The following ANKRD30B variants were observed in gnomAD, a reference collection of about 807,000 sequenced individuals.
The protein encoded by ANKRD30B is ankyrin repeat domain 30B.
ANKRD30B carries 144 observed loss-of-function variants against 202.2 expected under a neutral mutation model. That is an observed-to-expected ratio of 0.71 (90% CI 0.62 to 0.82). ANKRD30B has a LOEUF of 0.82. Among genes scored for constraint, ANKRD30B ranks in the 40% least tolerant of loss-of-function variants. The pLI is 0.00. For missense variants in ANKRD30B, 1,487 were observed against 1,669.1 expected (o/e 0.89, Z 1.90); for synonymous variants, 508 against 561.3 (o/e 0.91, Z 1.34).
chr18:14,816,011 T>C (rs910225537), intron 30 of ANKRD30B: 5 of 152,224 alleles, frequency 3.3e-5, no homozygotes, highest in African/African-American at 1.2e-4. Context: ...AGATGTCAGT[T>C]CTACATTCAG....
At chr18:14,888,745 T>C in the ANKRD30B span, 6 of 1,022,140 alleles carry the variant, frequency 5.9e-6, no homozygotes, top group Non-Finnish European at 8.5e-6. Context: ...GTTTTTGTTC[T>C]TTCTTCATTT....
the ANKRD30B span, among the ~76,000 whole-genome samples, chr18:14,868,448 A>G: frequency 2.0e-5 from 3 of 152,298 alleles, no homozygotes; most frequent in Non-Finnish European, 4.4e-5. Context: ...TTTGGTTGTG[A>G]TAAACCTTAA....
At chr18:14,894,810 A>G in the ANKRD30B span, among the ~76,000 whole-genome samples, 2 of 151,344 alleles carry the variant, frequency 1.3e-5, no homozygotes, top group South Asian at 4.2e-4. Flanking sequence ...ACACCAACAT[A>G]TACATATATG....
At chr18:14,832,716 C>T (rs1476549689) in intron 34 of ANKRD30B, among the ~76,000 whole-genome samples, 2 of 152,012 alleles carry the variant, frequency 1.3e-5, no homozygotes, top group African/African-American at 4.8e-5. Flanking sequence ...AAATCTAATG[C>T]GTTTCTAAAA....
the ANKRD30B span, among the ~76,000 whole-genome samples, chr18:14,864,652 A>C: frequency 2.8e-5 from 4 of 145,388 alleles, no homozygotes; most frequent in Admixed American, 7.0e-5. Context: ...CCTTTTTTCC[A>C]CCTCCTGCTC....
chr18:14,855,896 C>A (rs545664136), downstream of ANKRD30B, among the ~76,000 whole-genome samples: 1 of 148,492 alleles, frequency 6.7e-6, no homozygotes, highest in African/African-American at 2.5e-5. Flanking sequence ...CCAGACGGGG[C>A]GGCTGGGCAG....
rs1968133291 is a variant in ANKRD30B at position 14,787,072 on chromosome 18, A to G, written c.1706A>G (p.Asp569Gly). ...TTCCCATCAGAATCCAAACAAAAGG[A>G]CGATGAAGAAAATTCTTGGGATTCT... ...QMFPSESKQK[D>G]DEENSWDSES... The change falls in exon 15 of 44, where the codon GAC (aspartate) becomes GGC (glycine). Residue 569 changes from aspartate (D) to glycine (G), a missense_variant. By Grantham distance (94) the Asp-to-Gly change is moderately conservative (BLOSUM62 -1). This residue lies in a region of ANKRD30B where 889 missense variants were observed against 841.4 expected (regional missense o/e 1.06). Transcript: ENST00000690538. 1 of 1,609,678 alleles carries G rather than the reference A, an allele frequency of 6.2e-7. No homozygotes were observed. Among genetic ancestry groups the G allele is most frequent in the Non-Finnish European group, 8.5e-7 (1 of 1,177,318 alleles).
intron 34 of ANKRD30B, 159 bp from the exon 35 acceptor site, chr18:14,837,052 T>C: frequency 2.0e-6 from 1 of 506,722 alleles, no homozygotes; most frequent in South Asian, 3.8e-5. Flanking sequence ...TATTTTCTGC[T>C]TCTCCCAGGA....
chr18:14,850,187 T>A (rs1971823889), intron 40 of ANKRD30B, 27 bp from the exon 41 acceptor site: 7 of 1,397,232 alleles, frequency 5.0e-6, no homozygotes, highest in Non-Finnish European at 6.7e-6. Flanking sequence ...ACAAAATGAA[T>A]TTTAAGATAA....
At chr18:14,809,011 A>T (rs1383859226) in intron 26 of ANKRD30B, among the ~76,000 whole-genome samples, 1 of 150,728 alleles carries the variant, frequency 6.6e-6, no homozygotes, top group Non-Finnish European at 1.5e-5. Flanking sequence ...TCCCAGGTGG[A>T]TCGGCAGGTT....
At chr18:14,766,489 A>AG (rs1916209268) in intron 7 of ANKRD30B, among the ~76,000 whole-genome samples, 4 of 133,266 alleles carry the variant, frequency 3.0e-5, no homozygotes, top group Non-Finnish European at 6.6e-5. Flanking sequence ...AAAAAAAAAA[A>AG]AAAAAAAAGA....
In ANKRD30B at chr18:14,777,709, A is replaced by T. The variant is rs1470204799; in HGVS notation, c.1330-276A>T. Among the ~76,000 whole-genome samples the T allele has an allele frequency of 2.0e-5, 3 of 151,808 alleles. No homozygotes were observed. In the East Asian group the frequency reaches 5.8e-4, roughly 30 times the overall value. On this transcript the variant is annotated intron_variant, in intron 9 of 43. Transcript: ENST00000690538. Reference sequence around the variant, plus strand: ...ATAATCCCAGTGCTTTGGGAGGCTGAGGCGGGCGGATCACTTGAGGTCAGG... The same window carrying T: ...ATAATCCCAGTGCTTTGGGAGGCTGTGGCGGGCGGATCACTTGAGGTCAGG...
At chr18:14,871,213 C>T in the ANKRD30B span, among the ~76,000 whole-genome samples, 13 of 86,430 alleles carry the variant, frequency 1.5e-4, no homozygotes, top group South Asian at 5.2e-3. Context: ...GGTCCTGCTG[C>T]ACCCCCACCC....
intron 13 of ANKRD30B, 24 bp from the exon 14 acceptor site, chr18:14,784,439 C>G (rs748416609): frequency 6.2e-7 from 1 of 1,612,652 alleles, no homozygotes; most frequent in Non-Finnish European, 8.5e-7. Context: ...CTTTATTGAT[C>G]ATTTTTCTTC....
chr18:14,782,584 A>G lies in ANKRD30B; in HGVS notation c.1540A>G (p.Lys514Glu). ...QVCIPESMYQ[K>E]VMEINREVEE... is the part of the protein sequence containing the mutation. ...GTGTATACCTGAGTCTATGTATCAG[A>G]AAGTAATGGAGATAAATAGAGAAGT... The change falls in exon 12 of 44, where the codon AAA becomes GAA. Residue 514 changes from lysine to glutamate, a missense_variant. By Grantham distance (56) the Lys-to-Glu change is moderately conservative (BLOSUM62 1). Coordinates refer to ENST00000690538, the MANE Select transcript of ANKRD30B (RefSeq NM_001367607.2). 6.3e-7 allele frequency: 1 copy of G among 1,585,722 alleles called. No individual in the cohort carries two copies.
Position 14,763,750 on chromosome 18 carries a change from T to G in ANKRD30B, c.885T>G (p.Ala295=), listed in dbSNP as rs756490718. 5 of 1,614,018 alleles carry G rather than the reference T, an allele frequency of 3.1e-6. No individual in the cohort carries two copies. Among genetic ancestry groups the G allele is most frequent in the Non-Finnish European group, 4.2e-6 (5 of 1,179,994 alleles). ...APLAERTPDT[A]ESLLEKTPDE... ...TGGCGGAAAGAACACCTGACACGGC[T>G]GAAAGCTTGCTGGAAAAAACACCTG... Residue 295 remains alanine (A), a synonymous_variant, in exon 7 of 44, where the codon GCT becomes GCG. Transcript: ENST00000690538.
chr18:14,910,739 C>T, the ANKRD30B span, among the ~76,000 whole-genome samples: 1 of 152,144 alleles, frequency 6.6e-6, no homozygotes, highest in South Asian at 2.1e-4. Flanking sequence ...TTTACATTCC[C>T]ACCAACAGTG....
intron 22 of ANKRD30B, 39 bp downstream of exon 22, chr18:14,799,334 A>C (rs780417902): frequency 6.9e-7 from 1 of 1,458,416 alleles, no homozygotes; most frequent in South Asian, 1.4e-5. Flanking sequence ...GGAATTAAGA[A>C]TATTAAACTA....
Position 14,772,210 on chromosome 18 carries a change from CT to C in ANKRD30B, c.1314del (p.Phe438LeufsTer31). 6.6e-7 allele frequency: 1 copy of C among 1,504,386 alleles called. No homozygotes were observed. The highest frequency in any genetic ancestry group is 8.9e-7 in the Non-Finnish European group (1 of 1,120,106). 93.2% of individuals were successfully genotyped at this position (1,504,386 alleles called of 1,614,324 possible). ...NSQCTKVEEDFNLATKIISKS... is the reference protein window; with the variant it reads ...NSQCTKVEEDXNLATKIISKS... ...CACAGTGTACAAAAGTTGAGGAAGA[CT>C]TTAATCTTGCTACCAAGGTAAAATG... is the stretch of plus-strand genomic sequence containing the variant. On this transcript the variant is annotated frameshift_variant, in exon 9 of 44. Transcript: ENST00000690538. LOFTEE classifies it high-confidence loss of function.
Sources: allele counts gnomAD v4.1 joint callset (sites outside exome capture counted in the v4.1 genomes callset), GRCh38; gene constraint gnomAD v4.1.1; regional missense constraint gnomAD v4.1.1; transcripts MANE v1.5; gene names NCBI Gene and HGNC (gene_info 2026-07-23, HGNC 2026-07-21).